RBFOX1: variants seen among roughly 807,000 people sequenced by gnomAD.
RBFOX1 encodes the protein RNA binding protein fox-1 homolog 1.
A neutral mutation model predicts 57.7 loss-of-function variants in RBFOX1; 8 were observed. The ratio of observed to expected loss-of-function variants is 0.14; its 90% CI spans 0.08 to 0.25. The LOEUF is 0.25. Ranked by LOEUF, RBFOX1 falls within the 10% of genes least tolerant of loss-of-function variation. RBFOX1 has a pLI of 1.00. For missense variants in RBFOX1, 611 were observed against 548.5 expected (o/e 1.11, Z -1.14); for synonymous variants, 326 against 222.4 (o/e 1.47, Z -4.15).
chr16:5,886,523 A>T (rs1026443244), intron 4 of RBFOX1, among the ~76,000 whole-genome samples: 1 of 152,234 alleles, frequency 6.6e-6, no homozygotes. Context: ...TAAAACAGCA[A>T]TAACTAACAT....
intron 1 of RBFOX1, among the ~76,000 whole-genome samples, chr16:5,410,982 G>C (rs992308747): frequency 1.4e-4 from 22 of 152,202 alleles, no homozygotes; most frequent in African/African-American, 4.6e-4. Context: ...GTGAAGATTA[G>C]GCGGGCCAAC....
chr16:5,817,141 G>A (rs147668234), intron 3 of RBFOX1, among the ~76,000 whole-genome samples: 379 of 152,188 alleles, frequency 2.5e-3, no homozygotes, highest in Admixed American at 5.2e-3. Context: ...CCAATTCAGC[G>A]TCGTCTTGCA....
At chr16:7,313,468 T>G (rs532173962) in intron 4 of RBFOX1, among the ~76,000 whole-genome samples, 3 of 81,756 alleles carry the variant, frequency 3.7e-5, no homozygotes, top group South Asian at 5.0e-4. Flanking sequence ...TTTTTTTCTT[T>G]TCTTGTCTTT....
At chr16:7,241,368 A>G (rs1366100824) in intron 4 of RBFOX1, among the ~76,000 whole-genome samples, 1 of 152,194 alleles carries the variant, frequency 6.6e-6, no homozygotes, top group South Asian at 2.1e-4. Context: ...TGGAAAGAGC[A>G]TGTGATTCCC....
chr16:6,262,139 C>T (rs144313858), intron 1 of RBFOX1, among the ~76,000 whole-genome samples: 20 of 152,234 alleles, frequency 1.3e-4, no homozygotes, highest in African/African-American at 2.4e-4. Flanking sequence ...CCTTCTATTG[C>T]GGTATTCCAC....
At position 6,645,397 on chromosome 16, in the gene RBFOX1, G is replaced by A. The variant is rs543437086; in HGVS notation, c.-63-9206G>A. ...GGTCTCGGGAGCTTCGTTGTCCGGTGTTTCTCTCCACATTTTCTCGGGAAT... is the reference window on the plus strand; with the variant it reads ...GGTCTCGGGAGCTTCGTTGTCCGGTATTTCTCTCCACATTTTCTCGGGAAT... On this transcript the variant is annotated intron_variant, in intron 2 of 15. Transcript: ENST00000550418. Among the ~76,000 whole-genome samples the A allele has an allele frequency of 6.1e-4, 93 of 152,184 alleles. 1 individual carries two copies. Among genetic ancestry groups the A allele is most frequent in the African/African-American group, 2.1e-3 (87 of 41,530 alleles).
chr16:6,636,866 A>G (rs1280103336), intron 2 of RBFOX1, among the ~76,000 whole-genome samples: 122 of 128,802 alleles, frequency 9.5e-4, no homozygotes, highest in African/African-American at 3.6e-3. Flanking sequence ...TATAATATAT[A>G]TTATATGTTT....
At chr16:7,170,386 C>G (rs551289372) in intron 4 of RBFOX1, among the ~76,000 whole-genome samples, 1 of 152,172 alleles carries the variant, frequency 6.6e-6, no homozygotes, top group South Asian at 2.1e-4. Context: ...ATACTCTCAC[C>G]TCAGCCTCCT....
chr16:5,974,981 C>G (rs572756736), intron 4 of RBFOX1, among the ~76,000 whole-genome samples: 1 of 152,088 alleles, frequency 6.6e-6, no homozygotes, highest in Non-Finnish European at 1.5e-5. Flanking sequence ...GCACTCCAGC[C>G]TGGGCAACAA....
intron 4 of RBFOX1, among the ~76,000 whole-genome samples, chr16:7,126,901 T>A (rs2068708666): frequency 6.6e-6 from 1 of 150,538 alleles, no homozygotes; most frequent in African/African-American, 2.5e-5. Flanking sequence ...CCCAGCTACT[T>A]GGGAGGCTGA....
intron 4 of RBFOX1, among the ~76,000 whole-genome samples, chr16:7,369,595 C>G (rs1040294805): frequency 5.3e-5 from 8 of 152,096 alleles, no homozygotes; most frequent in Non-Finnish European, 8.8e-5. Flanking sequence ...CTTTAATATG[C>G]TGATTATCTC....
intron 2 of RBFOX1, among the ~76,000 whole-genome samples, chr16:6,599,487 C>A (rs991789059): frequency 6.6e-6 from 1 of 152,082 alleles, no homozygotes. Flanking sequence ...AAGCGACACA[C>A]CTAAAGGGCT....
intron 3 of RBFOX1, among the ~76,000 whole-genome samples, chr16:5,698,602 A>G (rs961671437): frequency 2.0e-5 from 3 of 151,904 alleles, no homozygotes; most frequent in African/African-American, 7.2e-5. Context: ...CTGAGTATAC[A>G]TTCAAAAGAT....
At chr16:7,029,367 A>G (rs2042205415) in intron 3 of RBFOX1, among the ~76,000 whole-genome samples, 1 of 150,704 alleles carries the variant, frequency 6.6e-6, no homozygotes, top group African/African-American at 2.4e-5. Context: ...GCCCTGATAG[A>G]AGAAAGCTGA....
intron 2 of RBFOX1, among the ~76,000 whole-genome samples, chr16:6,638,198 G>A (rs1392391161): frequency 3.3e-5 from 5 of 152,114 alleles, no homozygotes; most frequent in African/African-American, 1.2e-4. Flanking sequence ...GACAGGTTCT[G>A]AAAGGAAACT....
At chr16:7,335,397 A>T (rs2144677105) in intron 4 of RBFOX1, among the ~76,000 whole-genome samples, 1 of 152,302 alleles carries the variant, frequency 6.6e-6, no homozygotes, top group East Asian at 1.9e-4. Context: ...TTTCTCTGTG[A>T]CTGGAGATGT....
Position 6,410,279 on chromosome 16 carries a change from C to G in RBFOX1, c.-64+93222C>G, listed in dbSNP as rs574273620. Among the ~76,000 whole-genome samples, 4 of 147,488 alleles carry G rather than the reference C, an allele frequency of 2.7e-5. No homozygotes were observed. In the East Asian group the frequency reaches 8.1e-4, roughly 30 times the overall value. On this transcript the variant is annotated intron_variant, in intron 2 of 15. Transcript: ENST00000550418. ...AAGGTAGCCTTCTCCTTGGGGTGTC[C>G]TGCTGAAACGATGACCTAGGGTTCT... is the stretch of plus-strand genomic sequence containing the variant.
intron 4 of RBFOX1, among the ~76,000 whole-genome samples, chr16:7,399,470 A>G (rs1486425977): frequency 6.6e-6 from 1 of 152,158 alleles, no homozygotes; most frequent in African/African-American, 2.4e-5. Flanking sequence ...AAATGAATAA[A>G]TAAATAAAAA....
At chr16:6,300,347 A>G (rs530570391) in intron 1 of RBFOX1, among the ~76,000 whole-genome samples, 2 of 152,330 alleles carry the variant, frequency 1.3e-5, no homozygotes, top group South Asian at 4.1e-4. Context: ...CACAAAAAAG[A>G]TAAGTATACA....
Sources: gnomAD v4.1 joint callset for allele counts (sites outside exome capture counted in the v4.1 genomes callset) on GRCh38, gnomAD v4.1.1 for gene constraint, MANE v1.5 for transcripts, NCBI Gene and HGNC (gene_info 2026-07-23, HGNC 2026-07-21) for gene names.